PBX3: variants seen among roughly 807,000 people sequenced by gnomAD.
PBX3 encodes PBX homeobox 3, also known as pre-B-cell leukemia transcription factor 3.
A neutral mutation model predicts 48.5 loss-of-function variants in PBX3; 14 were observed. That is an observed-to-expected ratio of 0.29 (90% CI 0.19 to 0.45). The LOEUF (loss-of-function observed/expected upper bound fraction) is 0.45, where lower values mean the gene tolerates loss of function less well. Among genes scored for constraint, PBX3 ranks in the 20% least tolerant of loss-of-function variants. The probability of loss-of-function intolerance (pLI) is 1.00; values close to 1 mark genes in which losing one functional copy is unlikely to be tolerated. For missense variants in PBX3, 386 were observed against 546.7 expected, an observed-to-expected ratio of 0.71 and a Z score of 2.93; for synonymous variants, 210 against 200.3, an observed-to-expected ratio of 1.05 and a Z score of -0.41.
intron 2 of PBX3, among the ~76,000 whole-genome samples, chr9:125,889,890 C>G (rs945571140): frequency 4.0e-5 from 6 of 148,780 alleles, no homozygotes; most frequent in Non-Finnish European, 6.0e-5. Flanking sequence ...CTCGCGCTGC[C>G]CGGCGCGCCC....
At chr9:125,787,451 A>G (rs1047916586) in intron 2 of PBX3, among the ~76,000 whole-genome samples, 6 of 152,110 alleles carry the variant, frequency 3.9e-5, no homozygotes, top group Non-Finnish European at 8.8e-5. Flanking sequence ...CAAGGATAAG[A>G]AAAGTATTGT....
At chr9:125,836,034 A>G (rs1839123666) in intron 2 of PBX3, among the ~76,000 whole-genome samples, 1 of 152,264 alleles carries the variant, frequency 6.6e-6, no homozygotes, top group Non-Finnish European at 1.5e-5. Flanking sequence ...AAAAGAAAGA[A>G]TGGAATCTTG....
At chr9:125,829,601 A>G (rs2132185706) in intron 2 of PBX3, among the ~76,000 whole-genome samples, 1 of 152,234 alleles carries the variant, frequency 6.6e-6, no homozygotes, top group East Asian at 1.9e-4. Flanking sequence ...CATTTTTAAT[A>G]TTTCCTCCAT....
intron 5 of PBX3, among the ~76,000 whole-genome samples, chr9:125,948,265 C>G (rs1364873639): frequency 6.6e-6 from 1 of 151,392 alleles, no homozygotes; most frequent in Non-Finnish European, 1.5e-5. Context: ...ACATAGAACA[C>G]TACATCCAAC....
chr9:125,956,744 T>C (rs1842318071), intron 5 of PBX3, among the ~76,000 whole-genome samples: 1 of 152,238 alleles, frequency 6.6e-6, no homozygotes, highest in South Asian at 2.1e-4. Context: ...GAGTCATGAA[T>C]CCTTGATATG....
chr9:125,910,930 G>A (rs1398047363), intron 2 of PBX3, among the ~76,000 whole-genome samples: 1 of 152,048 alleles, frequency 6.6e-6, no homozygotes, highest in Non-Finnish European at 1.5e-5. Context: ...TTCTCTGGAA[G>A]TGTTGATATC....
At chr9:125,919,409 C>T (rs1380196590) in intron 3 of PBX3, among the ~76,000 whole-genome samples, 1 of 135,924 alleles carries the variant, frequency 7.4e-6, no homozygotes, top group African/African-American at 2.8e-5. Flanking sequence ...CGGGGTTTCA[C>T]TATCTTGGCC....
Position 125,965,945 on chromosome 9 carries a change from G to C in PBX3, c.*22G>C. 6.4e-7 allele frequency: 1 copy of C among 1,570,172 alleles called. No homozygotes were observed. The highest frequency in any genetic ancestry group is 8.8e-7 in the Non-Finnish European group (1 of 1,140,250). ...CTAATCTCTGGCCACACTTTTCCCT[G>C]AGCTACATGCCTTGATAAGTGCATT... On this transcript the variant is annotated 3_prime_UTR_variant, in exon 9 of 9. Coordinates refer to ENST00000373489, the MANE Select transcript of PBX3 (RefSeq NM_006195.6).
chr9:125,878,927 A>C (rs1054775394), intron 2 of PBX3, among the ~76,000 whole-genome samples: 1 of 152,172 alleles, frequency 6.6e-6, no homozygotes, highest in Non-Finnish European at 1.5e-5. Context: ...TATATCTTTT[A>C]AGTGACAACA....
chr9:125,751,777 G>A (rs1836381889), intron 2 of PBX3, among the ~76,000 whole-genome samples: 1 of 152,128 alleles, frequency 6.6e-6, no homozygotes, highest in South Asian at 2.1e-4. Context: ...TTTATCATCT[G>A]TCTCTTATTA....
chr9:125,866,442 TC>T (rs1464271008), intron 2 of PBX3, among the ~76,000 whole-genome samples: 1 of 152,234 alleles, frequency 6.6e-6, no homozygotes, highest in Non-Finnish European at 1.5e-5. Context: ...TTAATCTCAT[TC>T]TTTGCACTTA....
intron 2 of PBX3, among the ~76,000 whole-genome samples, chr9:125,781,344 C>T (rs1347154763): frequency 6.6e-6 from 1 of 151,770 alleles, no homozygotes; most frequent in Non-Finnish European, 1.5e-5. Context: ...ACAGCGAAAC[C>T]CCGTCTCCAC....
At chr9:125,898,240 T>C in intron 2 of PBX3, among the ~76,000 whole-genome samples, 1 of 151,650 alleles carries the variant, frequency 6.6e-6, no homozygotes, top group East Asian at 1.9e-4. Flanking sequence ...TTTCTCAACC[T>C]CTCCCGACCT....
chr9:125,905,340 C>T (rs1392561942), intron 2 of PBX3, among the ~76,000 whole-genome samples: 1 of 152,006 alleles, frequency 6.6e-6, no homozygotes. Flanking sequence ...CTTTTAATCC[C>T]TGGAGGGAAA....
chr9:125,801,320 A>G (rs896942203), intron 2 of PBX3, among the ~76,000 whole-genome samples: 2 of 152,172 alleles, frequency 1.3e-5, no homozygotes, highest in African/African-American at 4.8e-5. Context: ...GCAAAATTCC[A>G]TTGGTGTATC....
intron 2 of PBX3, among the ~76,000 whole-genome samples, chr9:125,768,957 C>T (rs190273611): frequency 6.6e-6 from 1 of 152,122 alleles, no homozygotes; most frequent in Non-Finnish European, 1.5e-5. Context: ...GCTGAAATAA[C>T]CATAATTTGT....
At chr9:125,855,734 G>A (rs1399500063) in intron 2 of PBX3, among the ~76,000 whole-genome samples, 1 of 152,056 alleles carries the variant, frequency 6.6e-6, no homozygotes, top group Non-Finnish European at 1.5e-5. Context: ...ACCAAATGAG[G>A]GCAATAAAGT....
At chr9:125,816,720 A>G (rs1477410105) in intron 2 of PBX3, among the ~76,000 whole-genome samples, 3 of 152,062 alleles carry the variant, frequency 2.0e-5, no homozygotes, top group Non-Finnish European at 4.4e-5. Context: ...GTCTGTCCTC[A>G]AGTTTTAGTC....
At chr9:125,913,528 C>T (rs1240693778) in intron 2 of PBX3, among the ~76,000 whole-genome samples, 1 of 151,974 alleles carries the variant, frequency 6.6e-6, no homozygotes, top group Non-Finnish European at 1.5e-5. Flanking sequence ...TAGTTTTGTG[C>T]CTTTTGCATT....
Sources: gnomAD v4.1 joint callset for allele counts (sites outside exome capture counted in the v4.1 genomes callset) on GRCh38, gnomAD v4.1.1 for gene constraint, MANE v1.5 for transcripts, NCBI Gene and HGNC (gene_info 2026-07-23, HGNC 2026-07-21) for gene names.